Variants in CEP72 observed in about 807,000 individuals in gnomAD.
CEP72 encodes the protein centrosomal protein 72.
Under a neutral mutation model 65.7 loss-of-function variants are expected in CEP72, and 78 were observed. The ratio of observed to expected loss-of-function variants is 1.19; its 90% CI spans 0.99 to 1.43. The LOEUF is 1.43. Ranked by LOEUF, CEP72 falls within the 40% of genes most tolerant of loss-of-function variation. CEP72 has a pLI of 0.00. For synonymous variants in CEP72, 358 were observed against 351.7 expected, an observed-to-expected ratio of 1.02 and a Z score of -0.20; for missense variants, 914 against 832.9, an observed-to-expected ratio of 1.10 and a Z score of -1.20.
At position 640,508 on chromosome 5, in the gene CEP72, T is replaced by G. The variant is rs1216816105; in HGVS notation, c.1443T>G (p.Ser481Arg). Residue 481 changes from serine (S) to arginine (R), a missense_variant, in exon 9 of 12, where the codon AGT becomes AGG. Coordinates refer to ENST00000264935, the MANE Select transcript of CEP72 (RefSeq NM_018140.4). ...GEDVGSLALE[S>R]KSLQSRLAEQ... The stretch of plus-strand genomic sequence containing the variant: ...ATGTCGGCTCCCTGGCTCTGGAGAG[T>G]AAGTCCCTGCAAAGCCGCCTTGCTG... 1 of 1,613,866 alleles carries G rather than the reference T, an allele frequency of 6.2e-7. No individual in the cohort carries two copies. The highest frequency in any genetic ancestry group is 1.7e-5 in the Admixed American group (1 of 60,010).
At chr5:651,439 G>T (rs561116344) in intron 11 of CEP72, among the ~76,000 whole-genome samples, 1 of 152,086 alleles carries the variant, frequency 6.6e-6, no homozygotes, top group Non-Finnish European at 1.5e-5. Context: ...AGTGTGACCA[G>T]GGGAGAGAGG....
intron 9 of CEP72, 158 bp from the exon 10 acceptor site, chr5:644,141 A>C (rs932154544): frequency 1.3e-6 from 1 of 767,200 alleles, no homozygotes; most frequent in Non-Finnish European, 2.1e-6. Flanking sequence ...GGCTGGGAGC[A>C]GGGAGATGTA....
rs1320330899 is a variant in CEP72, at chr5:653,180, T to G, written c.*27T>G. 1 of 1,559,930 alleles carries G rather than the reference T, an allele frequency of 6.4e-7. No homozygotes were observed. The highest frequency in any genetic ancestry group is 1.9e-5 in the Admixed American group (1 of 51,618). On this transcript the variant is annotated 3_prime_UTR_variant, in exon 12 of 12. Transcript: ENST00000264935. ...TCCTGCCGAGAAGCTGGGCCACCCC[T>G]TAAGCTTCCTGGTAAAGTTACATTG... is the stretch of plus-strand genomic sequence containing the variant.
intron 4 of CEP72, among the ~76,000 whole-genome samples, chr5:625,102 T>C (rs1736662836): frequency 6.6e-6 from 1 of 152,138 alleles, no homozygotes; most frequent in Non-Finnish European, 1.5e-5. Context: ...CGTGGGCGTG[T>C]GTGTGAGCCG....
chr5:627,406 A>G (rs1219438430), intron 4 of CEP72, among the ~76,000 whole-genome samples: 3 of 79,100 alleles, frequency 3.8e-5, no homozygotes. Flanking sequence ...GAACTTTTGG[A>G]TTAGGGCTGC....
chr5:619,395 C>T (rs898278957), intron 2 of CEP72, among the ~76,000 whole-genome samples: 2 of 152,222 alleles, frequency 1.3e-5, no homozygotes, highest in Non-Finnish European at 1.5e-5. Context: ...GGGCTGCCTC[C>T]TGGGCTCCTG....
intron 9 of CEP72, chr5:642,276 C>T (rs988571811): frequency 1.3e-4 from 127 of 983,864 alleles, no homozygotes; most frequent in Non-Finnish European, 1.5e-4. Context: ...GTGGCCCCTC[C>T]TCTGGAAGCC....
chr5:654,472 T>TGTGC (rs1268952533), downstream of CEP72, among the ~76,000 whole-genome samples: 6 of 152,018 alleles, frequency 3.9e-5, no homozygotes, highest in African/African-American at 1.2e-4. Context: ...TGTGTGTGTG[T>TGTGC]GCGTGTGGAT....
chr5:674,584 G>A, the CEP72 span, among the ~76,000 whole-genome samples: 141 of 152,206 alleles, frequency 9.3e-4, 3 homozygotes, highest in African/African-American at 2.2e-3. Context: ...CTGACCTCCC[G>A]GGCACAGCCC....
downstream of CEP72, among the ~76,000 whole-genome samples, chr5:671,955 C>T (rs1383371995): frequency 1.3e-5 from 2 of 152,204 alleles, no homozygotes; most frequent in East Asian, 3.9e-4. Flanking sequence ...CTGGCCCCTT[C>T]CAGGGAAGCT....
In CEP72 at chr5:653,113, C is replaced by T. The variant is rs766290544; in HGVS notation, c.1904C>T (p.Pro635Leu). Residue 635 changes from proline (P) to leucine (L), a missense_variant, in exon 12 of 12, where the codon CCA becomes CTA. Pro to Leu is a moderately conservative substitution (Grantham distance 98). Transcript: ENST00000264935. ...CTCAAGAAGACCATGGCCCTGTTTC[C>T]ACACAGCAGCGCCAGCCATGGAGGC... ...QELKKTMALF[P>L]HSSASHGGCQ... 1.9e-6 allele frequency: 3 copies of T among 1,612,782 alleles called. No individual in the cohort carries two copies. Among genetic ancestry groups the T allele is most frequent in the Non-Finnish European group, 2.5e-6 (3 of 1,179,870 alleles).
At chr5:613,218 G>A (rs1735786039) in intron 1 of CEP72, among the ~76,000 whole-genome samples, 1 of 152,168 alleles carries the variant, frequency 6.6e-6, no homozygotes, top group South Asian at 2.1e-4. Flanking sequence ...TGGTCTGCAG[G>A]TGTTACTGGA....
chr5:666,006 G>A (rs1361828290), exon 4 of CEP72: 2 of 1,598,596 alleles, frequency 1.3e-6, no homozygotes, highest in African/African-American at 1.4e-5. Context: ...TGCCCTCGAT[G>A]AGCCTGTGCA....
chr5:620,033 A>C, intron 2 of CEP72, 36 bp from the exon 3 acceptor site: 1 of 1,552,748 alleles, frequency 6.4e-7, no homozygotes, highest in Non-Finnish European at 8.9e-7. Context: ...TTCTTGTTTA[A>C]AGTGTGAATG....
chr5:616,226 A>G (rs1735980779), intron 1 of CEP72, among the ~76,000 whole-genome samples: 1 of 152,046 alleles, frequency 6.6e-6, no homozygotes, highest in South Asian at 2.1e-4. Context: ...GTTTTTCTCT[A>G]CGGTTTTACA....
At chr5:635,129 C>A (rs1431836748) in intron 5 of CEP72, among the ~76,000 whole-genome samples, 1 of 152,202 alleles carries the variant, frequency 6.6e-6, no homozygotes, top group Non-Finnish European at 1.5e-5. Flanking sequence ...CTTTGCTCCA[C>A]TTCATGCGGC....
chr5:649,585 GACTGAGGCGT>G (rs1382047356), intron 11 of CEP72, among the ~76,000 whole-genome samples: 3 of 114,444 alleles, frequency 2.6e-5, no homozygotes, highest in African/African-American at 3.4e-5. Context: ...TGTGAGGCGT[GACTGAGGCGT>G]GACTGTGAGG....
At position 653,153 on chromosome 5, in the gene CEP72, A is replaced by C; in HGVS notation, c.1944A>C (p.Ter648CysextTer10). The C allele has an allele frequency of 6.3e-7, 1 of 1,595,208 alleles. No individual in the cohort carries two copies. ...SASHGGCQAC[*>C] ...GCCATGGAGGCTGCCAGGCCTGCTG[A>C]CTCCTGCCGAGAAGCTGGGCCACCC... The change falls in exon 12 of 12, where the codon TGA (stop) becomes TGC (cysteine). Residue 648 changes from the stop codon to cysteine, a stop_lost. Transcript: ENST00000264935.
chr5:617,267 T>A (rs1579922058), intron 1 of CEP72, among the ~76,000 whole-genome samples: 2 of 152,324 alleles, frequency 1.3e-5, no homozygotes, highest in Non-Finnish European at 2.9e-5. Flanking sequence ...CAATGCTTGT[T>A]CCGTATATTT....
Sources: allele counts gnomAD v4.1 joint callset (sites outside exome capture counted in the v4.1 genomes callset), GRCh38; gene constraint gnomAD v4.1.1; transcripts MANE v1.5; gene names NCBI Gene and HGNC (gene_info 2026-07-23, HGNC 2026-07-21).